The following RBFOX1 variants were observed in gnomAD, a reference collection of about 807,000 sequenced individuals.
The protein encoded by RBFOX1 is RNA binding protein fox-1 homolog 1.
Under a neutral mutation model 57.7 loss-of-function variants are expected in RBFOX1, and 8 were observed. That is an observed-to-expected ratio of 0.14 (90% confidence interval 0.08 to 0.25). The LOEUF is 0.25. Ranked by LOEUF, RBFOX1 falls within the 10% of genes least tolerant of loss-of-function variation. The pLI is 1.00. For missense variants in RBFOX1, 611 were observed against 548.5 expected (o/e 1.11, Z -1.14); for synonymous variants, 326 against 222.4 (o/e 1.47, Z -4.15).
chr16:6,433,621 G>C (rs1165057377), intron 2 of RBFOX1, among the ~76,000 whole-genome samples: 1 of 152,172 alleles, frequency 6.6e-6, no homozygotes, highest in South Asian at 2.1e-4. Flanking sequence ...CTAGAGATCA[G>C]ATGTCTGGAA....
At chr16:6,560,037 G>T (rs925612541) in intron 2 of RBFOX1, among the ~76,000 whole-genome samples, 2 of 152,078 alleles carry the variant, frequency 1.3e-5, no homozygotes, top group Non-Finnish European at 2.9e-5. Flanking sequence ...TACTACCTAT[G>T]CTAAAATCAT....
At chr16:5,281,156 T>G (rs567333874) in intron 1 of RBFOX1, among the ~76,000 whole-genome samples, 24 of 152,318 alleles carry the variant, frequency 1.6e-4, no homozygotes, top group African/African-American at 5.3e-4. Context: ...TAAAAAATTT[T>G]TTTAATTTCC....
intron 3 of RBFOX1, among the ~76,000 whole-genome samples, chr16:5,756,880 G>A (rs1025567113): frequency 2.9e-4 from 44 of 152,166 alleles, no homozygotes; most frequent in East Asian, 1.4e-3. Flanking sequence ...GGCTAAGCAC[G>A]TTACATTTGT....
At chr16:7,607,978 C>T (rs1209623403) in intron 10 of RBFOX1, among the ~76,000 whole-genome samples, 1 of 152,176 alleles carries the variant, frequency 6.6e-6, no homozygotes, top group Non-Finnish European at 1.5e-5. Flanking sequence ...GAGAGCATAA[C>T]CCAGAAGCAG....
intron 1 of RBFOX1, among the ~76,000 whole-genome samples, chr16:6,217,950 A>C (rs1382645058): frequency 3.9e-5 from 6 of 152,156 alleles, no homozygotes; most frequent in Non-Finnish European, 7.3e-5. Flanking sequence ...GGGGAGGTGG[A>C]GGTTGTAGTG....
chr16:7,554,051 G>A (rs186040568), intron 5 of RBFOX1, among the ~76,000 whole-genome samples: 1 of 152,282 alleles, frequency 6.6e-6, no homozygotes, highest in East Asian at 1.9e-4. Context: ...CGAGGCTGCA[G>A]CGAACTATGA....
intron 3 of RBFOX1, among the ~76,000 whole-genome samples, chr16:6,813,232 C>G (rs2089203974): frequency 6.6e-6 from 1 of 152,128 alleles, no homozygotes; most frequent in Admixed American, 6.5e-5. Context: ...GAAATTTACA[C>G]TTCTCCGGTT....
chr16:7,467,728 C>G (rs544904800), intron 4 of RBFOX1, among the ~76,000 whole-genome samples: 3 of 152,328 alleles, frequency 2.0e-5, no homozygotes, highest in South Asian at 2.1e-4. Flanking sequence ...TGGGACACCC[C>G]TTATCTTCCC....
chr16:6,685,459 T>TG (rs2059303703), intron 3 of RBFOX1, among the ~76,000 whole-genome samples: 2 of 146,122 alleles, frequency 1.4e-5, no homozygotes, highest in African/African-American at 5.1e-5. Context: ...TTTTTTTTTT[T>TG]CTATTTTTAG....
intron 1 of RBFOX1, among the ~76,000 whole-genome samples, chr16:6,098,239 G>A (rs183845314): frequency 1.1e-4 from 16 of 152,322 alleles, no homozygotes; most frequent in African/African-American, 3.1e-4. Flanking sequence ...TTTCACAGAT[G>A]GAGAGGCAGC....
In RBFOX1 at chr16:5,424,831, CTCTT is replaced by C. The variant is rs71404520; in HGVS notation, c.220-42369_220-42366del. Among the ~76,000 whole-genome samples the C allele has an allele frequency of 9.0e-3, 1,305 of 145,736 alleles. 73 individuals carry two copies. The highest frequency in any genetic ancestry group is 0.03 in the African/African-American group (1,094 of 35,886). On this transcript the variant is annotated intron_variant, in intron 1 of 2. Transcript: ENST00000585867. ...GTTTTCTCTTCTCCTCTCCTCTCCT[CTCTT>C]TCTTTCTTTCTTTCTCTCTCTCTCT...
chr16:5,502,608 A>G (rs781057115), intron 2 of RBFOX1, among the ~76,000 whole-genome samples: 3 of 152,276 alleles, frequency 2.0e-5, no homozygotes, highest in African/African-American at 4.8e-5. Flanking sequence ...AGAAAATGCA[A>G]TCAGGTCCAA....
At chr16:5,986,314 C>G (rs1234468973) in intron 4 of RBFOX1, among the ~76,000 whole-genome samples, 1 of 152,136 alleles carries the variant, frequency 6.6e-6, no homozygotes, top group African/African-American at 2.4e-5. Flanking sequence ...TCTACCCGCC[C>G]CGGCCTCCCA....
At chr16:5,497,752 C>G (rs554104857) in intron 2 of RBFOX1, among the ~76,000 whole-genome samples, 1 of 152,200 alleles carries the variant, frequency 6.6e-6, no homozygotes, top group South Asian at 2.1e-4. Context: ...CCACAGCACT[C>G]CAGCCTGGAC....
chr16:6,050,987 T>A (rs2095546299), intron 1 of RBFOX1, among the ~76,000 whole-genome samples: 1 of 147,976 alleles, frequency 6.8e-6, no homozygotes, highest in Non-Finnish European at 1.5e-5. Context: ...TTGGTGGCTT[T>A]CTTACTATCT....
intron 10 of RBFOX1, among the ~76,000 whole-genome samples, chr16:7,621,875 C>T (rs1487037188): frequency 1.3e-5 from 2 of 152,110 alleles, no homozygotes; most frequent in Non-Finnish European, 2.9e-5. Context: ...GGTCTCTGTG[C>T]AATTACTCAG....
chr16:6,324,398 C>A (rs902990384), intron 2 of RBFOX1, among the ~76,000 whole-genome samples: 1 of 152,098 alleles, frequency 6.6e-6, no homozygotes, highest in Non-Finnish European at 1.5e-5. Flanking sequence ...GCTCACAGAG[C>A]CACAGGCTGT....
chr16:6,320,876 C>T (rs1184349493), intron 2 of RBFOX1, among the ~76,000 whole-genome samples: 1 of 152,154 alleles, frequency 6.6e-6, no homozygotes, highest in Non-Finnish European at 1.5e-5. Context: ...TCACTACAGC[C>T]TTCACCTCCT....
At chr16:5,377,033 C>A (rs1694095147) in intron 1 of RBFOX1, among the ~76,000 whole-genome samples, 1 of 151,620 alleles carries the variant, frequency 6.6e-6, no homozygotes, top group Non-Finnish European at 1.5e-5. Context: ...TCTCAGGATC[C>A]ACTTCTGGGG....
Sources: gnomAD v4.1 joint callset for allele counts (sites outside exome capture counted in the v4.1 genomes callset) on GRCh38, gnomAD v4.1.1 for gene constraint, MANE v1.5 for transcripts, NCBI Gene and HGNC (gene_info 2026-07-23, HGNC 2026-07-21) for gene names.